ALDH3A1: variants seen among roughly 807,000 people sequenced by gnomAD.
ALDH3A1 encodes aldehyde dehydrogenase 3 family member A1.
A neutral mutation model predicts 49.9 loss-of-function variants in ALDH3A1; 46 were observed. That is an observed-to-expected ratio of 0.92 (90% confidence interval 0.73 to 1.18). The LOEUF is 1.18. ALDH3A1 is among the 50% of genes most tolerant of loss of function. The probability of loss-of-function intolerance (pLI) is 0.00; values close to 1 mark genes in which losing one functional copy is unlikely to be tolerated. For synonymous variants in ALDH3A1, 269 were observed against 253.3 expected (o/e 1.06, Z -0.59); for missense variants, 592 against 611.8 (o/e 0.97, Z 0.34).
At chr17:19,744,025 C>T (rs2086553324) in intron 2 of ALDH3A1, 30 of 985,258 alleles carry the variant, frequency 3.0e-5, no homozygotes, top group Admixed American at 6.1e-5. Context: ...AAGAGCAACA[C>T]AGAAGCTGTA....
chr17:19,740,292 C>G, intron 7 of ALDH3A1, 44 bp downstream of exon 7: 1 of 1,602,596 alleles, frequency 6.2e-7, no homozygotes, highest in Non-Finnish European at 8.5e-7. Flanking sequence ...CTGGGGACCC[C>G]TGCAGCCTGG....
intron 7 of ALDH3A1, among the ~76,000 whole-genome samples, chr17:19,740,005 G>A (rs2086461239): frequency 6.6e-6 from 1 of 152,186 alleles, no homozygotes; most frequent in African/African-American, 2.4e-5. Context: ...CCCATCTGGT[G>A]ACCCACAGCC....
intron 6 of ALDH3A1, 97 bp from the exon 7 acceptor site, chr17:19,740,574 G>A: frequency 7.1e-7 from 1 of 1,416,338 alleles, no homozygotes. Flanking sequence ...TCTTTGGGTG[G>A]TGGGATTCTG....
intron 6 of ALDH3A1, among the ~76,000 whole-genome samples, chr17:19,740,740 T>C (rs113907319): frequency 9.9e-5 from 15 of 152,090 alleles, no homozygotes; most frequent in African/African-American, 3.6e-4. Context: ...AGCCTCAAAC[T>C]CCTGGGCCCA....
chr17:19,742,655 T>A lies in ALDH3A1; in HGVS notation c.395-25A>T, dbSNP rs183226242. ...CCTGCAGAGCACACCGAGCCAGGCC[T>A]ATGCCCAGGGTACTTCACCAGAGGC... On this transcript the variant is annotated intron_variant, in intron 3 of 10. Transcript: ENST00000225740. 150 of 1,613,726 alleles carry A rather than the reference T, an allele frequency of 9.3e-5. No individual in the cohort carries two copies. The African/African-American group carries it at 1.7e-3, about 18-fold the overall frequency.
chr17:19,738,678 A>C (rs1452677749), intron 9 of ALDH3A1: 4 of 658,618 alleles, frequency 6.1e-6, no homozygotes, highest in Non-Finnish European at 1.0e-5. Context: ...GGGTGTCCCC[A>C]GGGCATCCAC....
chr17:19,744,919 C>CA, intron 2 of ALDH3A1, 49 bp downstream of exon 2: 1 of 1,385,358 alleles, frequency 7.2e-7, no homozygotes, highest in Non-Finnish European at 9.4e-7. Flanking sequence ...CCCCACGCCC[C>CA]ATCGCATGGC....
chr17:19,739,056 C>A lies in ALDH3A1; in HGVS notation c.1156G>T (p.Val386Leu). ...KMIAETSSGGVAANDVIVHIT... is the reference protein window; with the variant it reads ...KMIAETSSGGLAANDVIVHIT... ...TGGACGATGACATCGTTGGCCGCCA[C>A]CCCACCACTGGATGTCTCTGCAATC... Residue 386 changes from valine (V) to leucine (L), a missense_variant, in exon 9 of 11, where the codon GTG becomes TTG. By Grantham distance (32) the Val-to-Leu change is conservative (BLOSUM62 1). Coordinates refer to ENST00000225740, the MANE Select transcript of ALDH3A1 (RefSeq NM_000691.5). 6.2e-7 allele frequency: 1 copy of A among 1,613,862 alleles called. No individual in the cohort carries two copies. Among genetic ancestry groups the A allele is most frequent in the East Asian group, 2.2e-5 (1 of 44,868 alleles).
intron 7 of ALDH3A1, 32 bp from the exon 8 acceptor site, chr17:19,739,706 C>T (rs376188654): frequency 1.5e-5 from 24 of 1,609,314 alleles, no homozygotes; most frequent in Admixed American, 6.7e-5. Context: ...AGTTGGACGG[C>T]GCAGAGACCC....
intron 2 of ALDH3A1, 123 bp downstream of exon 2, chr17:19,744,845 G>A: frequency 7.4e-7 from 1 of 1,352,786 alleles, no homozygotes; most frequent in Non-Finnish European, 9.5e-7. Flanking sequence ...CTCCGCGACC[G>A]AGGGGCCAGG....
At chr17:19,744,919 C>CCCCCCCCCCCA (rs2152375982) in intron 2 of ALDH3A1, 49 bp downstream of exon 2, 3 of 1,385,378 alleles carry the variant, frequency 2.2e-6, no homozygotes, top group South Asian at 1.4e-5. Context: ...CCCCACGCCC[C>CCCCCCCCCCCA]ATCGCATGGC....
At position 19,743,139 on chromosome 17, in the gene ALDH3A1, C is replaced by T. The variant is rs2086531334; in HGVS notation, c.394+93G>A. ...GACCCAGCAAACCCTTATCTGACCC[C>T]AGGACTCTTAACACAGGCCTGAGCC... On this transcript the variant is annotated intron_variant, in intron 3 of 10. Transcript: ENST00000225740. The surrounding 1 kb of genome is among the most constrained non-coding windows in gnomAD (Gnocchi z 4.4). 3 of 1,561,448 alleles carry T rather than the reference C, an allele frequency of 1.9e-6. No homozygotes were observed. In the Admixed American group the frequency reaches 5.7e-5, roughly 30 times the overall value.
At position 19,743,523 on chromosome 17, in the gene ALDH3A1, G is replaced by A; in HGVS notation, c.163-60C>T. The A allele has an allele frequency of 2.6e-6, 4 of 1,533,850 alleles. No homozygotes were observed. The highest frequency in any genetic ancestry group is 1.3e-5 in the South Asian group (1 of 78,286). ...CAGGGCCCGCCTGCAGCTGGGGCGA[G>A]TGGGGAGCCCCACTGCTCAGCTGCC... On this transcript the variant is annotated intron_variant, in intron 2 of 10. Transcript: ENST00000225740. The surrounding 1 kb of genome is among the most constrained non-coding windows in gnomAD (Gnocchi z 4.4).
At chr17:19,744,929 C>A in intron 2 of ALDH3A1, 39 bp downstream of exon 2, 1 of 724,600 alleles carries the variant, frequency 1.4e-6, no homozygotes, top group South Asian at 1.9e-5. Context: ...CATCGCATGG[C>A]CCCGACACTG....
intron 3 of ALDH3A1, chr17:19,742,903 G>A (rs1209045987): frequency 2.0e-6 from 3 of 1,527,908 alleles, no homozygotes; most frequent in Non-Finnish European, 2.6e-6. Flanking sequence ...AGGGGAGAGA[G>A]GCTCTGGGGG....
At chr17:19,741,934 T>G in intron 5 of ALDH3A1, 70 bp downstream of exon 5, 87 of 1,465,824 alleles carry the variant, frequency 5.9e-5, no homozygotes, top group Non-Finnish European at 7.5e-5. Flanking sequence ...ACCCACAGCA[T>G]GAGGTGCAGT....
chr17:19,748,170 G>A lies in ALDH3A1; in HGVS notation c.-6+89C>T, dbSNP rs994544369. 1.9e-5 allele frequency: 7 copies of A among 367,600 alleles called. No individual in the cohort carries two copies. Among genetic ancestry groups the A allele is most frequent in the Non-Finnish European group, 3.8e-5 (7 of 183,102 alleles). The allele number at this position is 367,600 out of a possible 1,614,324, so 22.8% of individuals were successfully genotyped here. Reference sequence around the variant, plus strand: ...GGCAGGGACCCCCTGGAGAGATGATGTAGGACTCTTGACACTTAGGGCCCC... The same window carrying A: ...GGCAGGGACCCCCTGGAGAGATGATATAGGACTCTTGACACTTAGGGCCCC... On this transcript the variant is annotated intron_variant, in intron 1 of 10. Coordinates refer to ENST00000225740, the MANE Select transcript of ALDH3A1 (RefSeq NM_000691.5). The surrounding 1 kb of genome is among the most constrained non-coding windows in gnomAD (Gnocchi z 4.4).
chr17:19,741,305 T>C, intron 5 of ALDH3A1, 95 bp from the exon 6 acceptor site: 1 of 1,116,702 alleles, frequency 9.0e-7, no homozygotes, highest in Non-Finnish European at 1.3e-6. Flanking sequence ...GCAGAAGCCA[T>C]CGGCTGTGAC....
intron 5 of ALDH3A1, chr17:19,741,499 C>T (rs1041875799): frequency 3.1e-5 from 12 of 390,210 alleles, no homozygotes; most frequent in African/African-American, 8.1e-5. Context: ...CACTGCTACT[C>T]GGGCCCCCCT....
Sources: allele counts gnomAD v4.1 joint callset (sites outside exome capture counted in the v4.1 genomes callset), GRCh38; gene constraint gnomAD v4.1.1; non-coding constraint Gnocchi (gnomAD v3.1); transcripts MANE v1.5; gene names NCBI Gene and HGNC (gene_info 2026-07-23, HGNC 2026-07-21).